STK32B: variants seen among roughly 807,000 people sequenced by gnomAD.
STK32B encodes the protein serine/threonine kinase 32B, also known as serine/threonine-protein kinase 32B.
Under a neutral mutation model 52.6 loss-of-function variants are expected in STK32B, and 43 were observed. The observed-to-expected ratio is 0.82, with a 90% CI of 0.64 to 1.05. The LOEUF (loss-of-function observed/expected upper bound fraction) is 1.05. Ranked by LOEUF, STK32B falls within the 50% of genes least tolerant of loss-of-function variation. STK32B has a pLI of 0.00. For synonymous variants in STK32B, 238 were observed against 204.3 expected, an observed-to-expected ratio of 1.17 and a Z score of -1.41; for missense variants, 621 against 534.6, an observed-to-expected ratio of 1.16 and a Z score of -1.59.
At chr4:5,342,101 G>C (rs1160512084) in intron 4 of STK32B, among the ~76,000 whole-genome samples, 1 of 152,190 alleles carries the variant, frequency 6.6e-6, no homozygotes, top group Non-Finnish European at 1.5e-5. Context: ...CTGTTGGTGG[G>C]AGTGTAAACC....
At chr4:5,205,693 G>GGCGCGC (rs141563923) in intron 3 of STK32B, among the ~76,000 whole-genome samples, 58 of 68,230 alleles carry the variant, frequency 8.5e-4, no homozygotes, top group Admixed American at 1.7e-3. Flanking sequence ...TTCTAGACCA[G>GGCGCGC]GCGCGCGCGC....
At chr4:5,439,522 G>A (rs1714492725) in intron 6 of STK32B, among the ~76,000 whole-genome samples, 1 of 151,618 alleles carries the variant, frequency 6.6e-6, no homozygotes, top group Admixed American at 6.6e-5. Flanking sequence ...CAGATGAGTA[G>A]GTTGTGAAAT....
chr4:5,347,005 A>G (rs1463229127), intron 4 of STK32B, among the ~76,000 whole-genome samples: 5 of 152,200 alleles, frequency 3.3e-5, no homozygotes, highest in Admixed American at 1.3e-4. Context: ...ACGTACTATC[A>G]TGAGAACAGC....
intron 1 of STK32B, among the ~76,000 whole-genome samples, chr4:5,107,241 A>G (rs1479175634): frequency 2.0e-5 from 3 of 151,862 alleles, no homozygotes; most frequent in African/African-American, 4.8e-5. Context: ...ACTGTCTCCC[A>G]TCACCCCAAA....
chr4:5,454,661 G>A (rs1193264155), intron 7 of STK32B, among the ~76,000 whole-genome samples: 2 of 152,092 alleles, frequency 1.3e-5, no homozygotes, highest in African/African-American at 4.8e-5. Flanking sequence ...AATTCACACT[G>A]CCTGGCCTTT....
rs759362578 is a variant in STK32B, at chr4:5,399,594, G to A, written c.472+1350G>A. ...GAGGATCCAAATCAAGGCTGGAAAG[G>A]AAGCGAAAGCAACGTCTCCAGTTTG... is the stretch of plus-strand genomic sequence containing the variant. On this transcript the variant is annotated intron_variant, in intron 5 of 11. Transcript: ENST00000282908. This position sits in a 1 kb window ranked among gnomAD's most constrained non-coding sequence, Gnocchi z 5.4. Among the ~76,000 whole-genome samples, 59 of 152,174 alleles carry A rather than the reference G, an allele frequency of 3.9e-4. 1 individual carries two copies. The highest frequency in any genetic ancestry group is 3.2e-3 in the Middle Eastern group (1 of 316).
intron 3 of STK32B, among the ~76,000 whole-genome samples, chr4:5,213,751 G>A (rs1433567608): frequency 1.3e-5 from 2 of 152,082 alleles, no homozygotes; most frequent in South Asian, 2.1e-4. Context: ...TTTTTAAGAA[G>A]GTTGCCTTTT....
At chr4:5,255,945 G>A (rs1560264904) in intron 3 of STK32B, among the ~76,000 whole-genome samples, 1 of 152,136 alleles carries the variant, frequency 6.6e-6, no homozygotes. Flanking sequence ...CCTCATAAAG[G>A]TGTTGAATGG....
chr4:5,368,434 G>A (rs572470329), intron 4 of STK32B, among the ~76,000 whole-genome samples: 21 of 150,512 alleles, frequency 1.4e-4, no homozygotes, highest in Admixed American at 1.1e-3. Flanking sequence ...CTCACACAAC[G>A]TCATGAGTTA....
chr4:5,361,913 A>G (rs2108999724), intron 4 of STK32B, among the ~76,000 whole-genome samples: 1 of 152,354 alleles, frequency 6.6e-6, no homozygotes, highest in South Asian at 2.1e-4. Flanking sequence ...CATAATGTCA[A>G]AATCAGCATT....
At chr4:5,124,693 CAT>C (rs1164200708) in intron 1 of STK32B, among the ~76,000 whole-genome samples, 9 of 152,178 alleles carry the variant, frequency 5.9e-5, no homozygotes, top group Non-Finnish European at 1.5e-5. Flanking sequence ...TGTGTGCACA[CAT>C]GTGTACATGT....
intron 1 of STK32B, among the ~76,000 whole-genome samples, chr4:5,066,240 A>T (rs1742419982): frequency 6.6e-6 from 1 of 152,062 alleles, no homozygotes. Context: ...TTTTTCTCTT[A>T]TCCCCACAAA....
At chr4:5,377,115 G>A (rs1735636347) in intron 4 of STK32B, among the ~76,000 whole-genome samples, 1 of 152,150 alleles carries the variant, frequency 6.6e-6, no homozygotes, top group Non-Finnish European at 1.5e-5. Context: ...CTCTATCTAT[G>A]GCCAAAGGAG....
chr4:5,136,182 G>A (rs143681863), intron 1 of STK32B, among the ~76,000 whole-genome samples: 1 of 152,188 alleles, frequency 6.6e-6, no homozygotes, highest in Non-Finnish European at 1.5e-5. Context: ...CTGGGTTTTT[G>A]TTATCAAGAA....
intron 4 of STK32B, among the ~76,000 whole-genome samples, chr4:5,375,065 G>A (rs1735497859): frequency 6.6e-6 from 1 of 152,178 alleles, no homozygotes; most frequent in Non-Finnish European, 1.5e-5. Context: ...CCCGAGTGAG[G>A]TCAATGTGAG....
intron 3 of STK32B, among the ~76,000 whole-genome samples, chr4:5,199,713 A>C (rs1352132674): frequency 6.6e-6 from 1 of 152,082 alleles, no homozygotes; most frequent in East Asian, 1.9e-4. Context: ...GTTTCTTATA[A>C]TTGTCCAGGT....
intron 11 of STK32B, among the ~76,000 whole-genome samples, chr4:5,480,574 A>G (rs1367209541): frequency 6.6e-6 from 1 of 151,504 alleles, no homozygotes; most frequent in African/African-American, 2.4e-5. Flanking sequence ...GATTGTGGAG[A>G]CCACGTTTTT....
intron 3 of STK32B, among the ~76,000 whole-genome samples, chr4:5,185,199 C>T (rs934362605): frequency 1.3e-5 from 2 of 152,190 alleles, no homozygotes; most frequent in Non-Finnish European, 2.9e-5. Context: ...GCTGTATTTA[C>T]TAGACTCACT....
chr4:5,337,721 A>C (rs1732801335), intron 4 of STK32B, among the ~76,000 whole-genome samples: 1 of 152,118 alleles, frequency 6.6e-6, no homozygotes, highest in Non-Finnish European at 1.5e-5. Flanking sequence ...AAAAAAAAAA[A>C]CTCAGTAAAA....
Sources: gnomAD v4.1 joint callset for allele counts (sites outside exome capture counted in the v4.1 genomes callset) on GRCh38, gnomAD v4.1.1 for gene constraint, Gnocchi (gnomAD v3.1) non-coding constraint, MANE v1.5 for transcripts, NCBI Gene and HGNC (gene_info 2026-07-23, HGNC 2026-07-21) for gene names.